TEAD4: variants seen among roughly 807,000 people sequenced by gnomAD.
The protein encoded by TEAD4 is transcriptional enhancer factor TEF-3.
TEAD4 carries 36 observed loss-of-function variants against 52.4 expected under a neutral mutation model. That is an observed-to-expected ratio of 0.69 (90% CI 0.53 to 0.91). TEAD4 has a LOEUF of 0.91. TEAD4 is among the 40% of genes least tolerant of loss of function. The pLI, the probability that TEAD4 is intolerant of heterozygous loss-of-function variation, is 0.00. For missense variants in TEAD4, 508 were observed against 583.9 expected, an observed-to-expected ratio of 0.87 and a Z score of 1.34; for synonymous variants, 220 against 231.0, an observed-to-expected ratio of 0.95 and a Z score of 0.43.
At chr12:3,026,924 A>G (rs575628827) in intron 10 of TEAD4, among the ~76,000 whole-genome samples, 2 of 152,236 alleles carry the variant, frequency 1.3e-5, no homozygotes, top group South Asian at 2.1e-4. Context: ...TGATGGATGT[A>G]GTTTTTCTCC....
chr12:3,012,601 G>T (rs1035309754), intron 5 of TEAD4, among the ~76,000 whole-genome samples: 3 of 152,176 alleles, frequency 2.0e-5, no homozygotes, highest in African/African-American at 7.2e-5. Context: ...GGGGGTGCCT[G>T]CTGTGGGGGT....
intron 10 of TEAD4, 127 bp from the exon 11 acceptor site, chr12:3,037,841 C>A (rs1742060168): frequency 8.6e-7 from 1 of 1,164,778 alleles, no homozygotes; most frequent in African/African-American, 1.6e-5. Context: ...TGGCGTCCTA[C>A]TGTCTACCCT....
intron 2 of TEAD4, among the ~76,000 whole-genome samples, chr12:2,962,651 G>A (rs1419350153): frequency 6.6e-6 from 1 of 151,462 alleles, no homozygotes; most frequent in Non-Finnish European, 1.5e-5. Context: ...TGTATTTTTA[G>A]TAGAGGCGGG....
intron 10 of TEAD4, among the ~76,000 whole-genome samples, chr12:3,027,288 G>C (rs1186076776): frequency 6.6e-6 from 1 of 152,166 alleles, no homozygotes; most frequent in Non-Finnish European, 1.5e-5. Flanking sequence ...CTTTGTCTTT[G>C]TTTCTTTTTA....
chr12:3,011,239 C>T (rs11836622), intron 4 of TEAD4, among the ~76,000 whole-genome samples, 171 bp downstream of exon 4: 24,950 of 151,518 alleles, frequency 0.16, 4,639 homozygotes, highest in African/African-American at 0.46. Context: ...CTTTTTCTTT[C>T]TTTTTTCTGA....
Position 3,040,526 on chromosome 12 carries a change from G to A in TEAD4, c.*48G>A, listed in dbSNP as rs761188991. 19 of 1,552,402 alleles carry A rather than the reference G, an allele frequency of 1.2e-5. No individual in the cohort carries two copies. In the East Asian group the frequency reaches 1.4e-4, roughly 11 times the overall value. ...GGGAAGAGACGTGTGTGCAGGAAAC[G>A]GGGACGTGGGGAGGGGACCTGCAGG... is the stretch of plus-strand genomic sequence containing the variant. On this transcript the variant is annotated 3_prime_UTR_variant, in exon 13 of 13. Transcript: ENST00000359864.
At chr12:3,003,434 A>G (rs530072513) in intron 3 of TEAD4, among the ~76,000 whole-genome samples, 121 of 152,266 alleles carry the variant, frequency 7.9e-4, no homozygotes, top group Admixed American at 1.2e-3. Flanking sequence ...GAAATGAGAT[A>G]CAGAAATGAC....
At position 3,040,491 on chromosome 12, in the gene TEAD4, G is replaced by T; in HGVS notation, c.*13G>T. 1 of 1,612,024 alleles carries T rather than the reference G, an allele frequency of 6.2e-7. No homozygotes were observed. The highest frequency in any genetic ancestry group is 8.5e-7 in the Non-Finnish European group (1 of 1,178,340). The stretch of plus-strand genomic sequence containing the variant: ...GGTGAAAGAATGAGAGACTCGGGGA[G>T]CAGGGAGGGGGGAAGAGACGTGTGT... On this transcript the variant is annotated 3_prime_UTR_variant, in exon 13 of 13. Coordinates refer to ENST00000359864, the MANE Select transcript of TEAD4 (RefSeq NM_003213.4).
intron 10 of TEAD4, among the ~76,000 whole-genome samples, chr12:3,030,720 T>G (rs2098274952): frequency 6.6e-6 from 1 of 152,100 alleles, no homozygotes; most frequent in African/African-American, 2.4e-5. Context: ...TTTAGCCAGG[T>G]GTCCAGGATG....
At chr12:2,963,352 G>C (rs1044980997) in intron 2 of TEAD4, among the ~76,000 whole-genome samples, 1 of 152,230 alleles carries the variant, frequency 6.6e-6, no homozygotes, top group African/African-American at 2.4e-5. Flanking sequence ...CTTTCCTGCA[G>C]TTGAGGTCAG....
At chr12:3,036,140 T>C (rs1169836589) in intron 10 of TEAD4, among the ~76,000 whole-genome samples, 1 of 152,152 alleles carries the variant, frequency 6.6e-6, no homozygotes, top group Non-Finnish European at 1.5e-5. Flanking sequence ...ATGCTTTTTT[T>C]CCCTAAAGGC....
chr12:3,036,692 C>T (rs963705072), intron 10 of TEAD4, among the ~76,000 whole-genome samples: 2 of 152,224 alleles, frequency 1.3e-5, no homozygotes, highest in East Asian at 1.9e-4. Flanking sequence ...TGTGCCTGTG[C>T]GTTGTTTCTG....
At position 3,019,611 on chromosome 12, in the gene TEAD4, G is replaced by A. The variant is rs181877981; in HGVS notation, c.583+441G>A. 3.8e-3 allele frequency among the ~76,000 whole-genome samples: 574 copies of A among 152,270 alleles called. 5 individuals are homozygous for A. Among genetic ancestry groups the A allele is most frequent in the Non-Finnish European group, 1.9e-3 (129 of 68,010 alleles). On this transcript the variant is annotated intron_variant, in intron 8 of 12. Coordinates refer to ENST00000359864, the MANE Select transcript of TEAD4 (RefSeq NM_003213.4). ...AGAAGACCTGGTGGAGGCAGCCAGC[G>A]GTGCTGACAGGAGCCCCCACCCCGC...
At chr12:3,037,386 G>T (rs747535304) in intron 10 of TEAD4, among the ~76,000 whole-genome samples, 28 of 152,174 alleles carry the variant, frequency 1.8e-4, no homozygotes, top group Non-Finnish European at 3.1e-4. Context: ...ACCCAGCAGT[G>T]CCTAGAGGGG....
chr12:2,966,425 T>C (rs2098220274), intron 2 of TEAD4, among the ~76,000 whole-genome samples: 2 of 151,686 alleles, frequency 1.3e-5, no homozygotes, highest in Admixed American at 6.6e-5. Flanking sequence ...TTCTTTTTTT[T>C]TTTTTGAGAT....
intron 3 of TEAD4, among the ~76,000 whole-genome samples, chr12:3,001,955 G>C (rs1018697396): frequency 6.6e-6 from 1 of 151,958 alleles, no homozygotes; most frequent in Non-Finnish European, 1.5e-5. Context: ...AAATTAGCTG[G>C]GTGTGGTGTG....
At chr12:3,037,841 C>T (rs1742060168) in intron 10 of TEAD4, 127 bp from the exon 11 acceptor site, 3 of 1,164,662 alleles carry the variant, frequency 2.6e-6, no homozygotes, top group Non-Finnish European at 3.5e-6. Context: ...TGGCGTCCTA[C>T]TGTCTACCCT....
At chr12:2,961,577 C>G (rs1205618511) in intron 2 of TEAD4, among the ~76,000 whole-genome samples, 1 of 152,024 alleles carries the variant, frequency 6.6e-6, no homozygotes, top group Non-Finnish European at 1.5e-5. Context: ...GGTACAAATC[C>G]TGAGTCTCTC....
intron 2 of TEAD4, among the ~76,000 whole-genome samples, chr12:2,974,723 G>C (rs1375627318): frequency 2.0e-5 from 3 of 152,110 alleles, no homozygotes; most frequent in African/African-American, 7.2e-5. Flanking sequence ...CCCAGGGCAG[G>C]GCGTGCACCG....
Sources: gnomAD v4.1 joint callset for allele counts (sites outside exome capture counted in the v4.1 genomes callset) on GRCh38, gnomAD v4.1.1 for gene constraint, MANE v1.5 for transcripts, NCBI Gene and HGNC (gene_info 2026-07-23, HGNC 2026-07-21) for gene names.